The following TLK2 variants were observed in gnomAD, a reference collection of about 807,000 sequenced individuals.
TLK2 encodes tousled like kinase 2, also known as serine/threonine-protein kinase tousled-like 2.
In TLK2, 6 loss-of-function variants were observed where a neutral mutation model predicts 117.3. That is an observed-to-expected ratio of 0.05 (90% CI 0.03 to 0.10). TLK2 has a LOEUF of 0.10. TLK2 is among the 10% of genes least tolerant of loss of function. The pLI is 1.00. For missense variants in TLK2, 299 were observed against 901.2 expected (o/e 0.33, Z 8.56); for synonymous variants, 257 against 316.7 (o/e 0.81, Z 2.00).
chr17:62,483,978 ACCATGCCCAG>A (rs1158115920), intron 2 of TLK2, among the ~76,000 whole-genome samples: 1 of 151,950 alleles, frequency 6.6e-6, no homozygotes, highest in African/African-American at 2.4e-5. Flanking sequence ...GGCACCTGCT[ACCATGCCCAG>A]CTAATTTTTG....
upstream of TLK2, among the ~76,000 whole-genome samples, chr17:62,474,074 T>C (rs2070992194): frequency 6.6e-6 from 1 of 152,108 alleles, no homozygotes; most frequent in South Asian, 2.1e-4. Flanking sequence ...TTTTGTATTT[T>C]TTTTTGTTAA....
intron 7 of TLK2, among the ~76,000 whole-genome samples, chr17:62,544,073 T>C (rs540358540): frequency 6.6e-6 from 1 of 152,326 alleles, no homozygotes; most frequent in South Asian, 2.1e-4. Flanking sequence ...CCCAGCACCA[T>C]TTGTTGAAAA....
At chr17:62,602,337 G>C (rs1199418202) in intron 19 of TLK2, among the ~76,000 whole-genome samples, 157 bp downstream of exon 19, 1 of 152,192 alleles carries the variant, frequency 6.6e-6, no homozygotes, top group Admixed American at 6.5e-5. Flanking sequence ...CTTTTCAACA[G>C]TTTGACTCTT....
intron 7 of TLK2, among the ~76,000 whole-genome samples, chr17:62,543,623 T>A (rs749276653): frequency 6.6e-5 from 10 of 152,244 alleles, no homozygotes; most frequent in Admixed American, 3.9e-4. Context: ...CTAATTGGGC[T>A]TTTGTGCATC....
At chr17:62,516,482 G>A (rs2075601384) in intron 2 of TLK2, 12 of 1,604,776 alleles carry the variant, frequency 7.5e-6, no homozygotes, top group African/African-American at 1.3e-5. Context: ...GGACGGCTAC[G>A]GCGTAGGGTG....
At chr17:62,541,305 C>T (rs2077517166) in intron 7 of TLK2, among the ~76,000 whole-genome samples, 1 of 152,144 alleles carries the variant, frequency 6.6e-6, no homozygotes, top group East Asian at 1.9e-4. Context: ...AAGGACTTTG[C>T]TTTGTTCACT....
intron 11 of TLK2, among the ~76,000 whole-genome samples, chr17:62,571,598 T>A (rs2080296224): frequency 6.6e-6 from 1 of 152,230 alleles, no homozygotes; most frequent in Non-Finnish European, 1.5e-5. Context: ...TCGATTGATG[T>A]CTAATCAGTG....
At chr17:62,598,553 C>T (rs1354148444) in intron 17 of TLK2, among the ~76,000 whole-genome samples, 1 of 151,260 alleles carries the variant, frequency 6.6e-6, no homozygotes, top group African/African-American at 2.4e-5. Context: ...GAGATGGAGT[C>T]TCACTCTGTT....
intron 11 of TLK2, among the ~76,000 whole-genome samples, chr17:62,568,918 A>G (rs1180399757): frequency 6.6e-6 from 1 of 152,094 alleles, no homozygotes; most frequent in African/African-American, 2.4e-5. Flanking sequence ...CATTTTGTTG[A>G]TTTTATAAAC....
chr17:62,536,533 C>T (rs545188852), intron 7 of TLK2, among the ~76,000 whole-genome samples, 196 bp downstream of exon 7: 1 of 152,006 alleles, frequency 6.6e-6, no homozygotes, highest in East Asian at 1.9e-4. Flanking sequence ...TTCCCAGTCT[C>T]CCTTGGTTCA....
intron 2 of TLK2, among the ~76,000 whole-genome samples, chr17:62,503,728 CTTTT>C (rs34498481): frequency 9.5e-5 from 12 of 126,738 alleles, no homozygotes; most frequent in Non-Finnish European, 6.7e-5. Context: ...CTAGTTATAT[CTTTT>C]TTTTTTTTTT....
At chr17:62,486,260 G>A (rs1027811996) in intron 2 of TLK2, among the ~76,000 whole-genome samples, 2 of 151,584 alleles carry the variant, frequency 1.3e-5, no homozygotes, top group South Asian at 2.1e-4. Context: ...AGGTTCAAGC[G>A]ATTCTCTTGC....
At chr17:62,585,819 C>T (rs141779287) in intron 15 of TLK2, 80 of 198,678 alleles carry the variant, frequency 4.0e-4, no homozygotes, top group African/African-American at 1.6e-3. Flanking sequence ...CTAAGGCAGA[C>T]GGGTCCCAGA....
At chr17:62,594,646 A>T (rs1405993683) in intron 16 of TLK2, among the ~76,000 whole-genome samples, 2 of 152,242 alleles carry the variant, frequency 1.3e-5, no homozygotes, top group African/African-American at 4.8e-5. Context: ...CTTTATATAC[A>T]TTTAAGAAAG....
chr17:62,580,709 G>A (rs924883272), intron 15 of TLK2, among the ~76,000 whole-genome samples: 22 of 152,142 alleles, frequency 1.4e-4, no homozygotes, highest in Non-Finnish European at 2.5e-4. Flanking sequence ...GAGCTTCCAG[G>A]TTGATTTTTA....
chr17:62,471,888 CTTTTTTTTTTTT>C (rs869092720), intron 1 of TLK2, among the ~76,000 whole-genome samples: 14 of 37,776 alleles, frequency 3.7e-4, no homozygotes, highest in Admixed American at 1.2e-3. Flanking sequence ...GTAGTATAGT[CTTTTTTTTTTTT>C]TTTTTTTTTT....
At chr17:62,555,439 T>C (rs1263046682) in intron 9 of TLK2, among the ~76,000 whole-genome samples, 2 of 151,936 alleles carry the variant, frequency 1.3e-5, no homozygotes, top group African/African-American at 2.4e-5. Flanking sequence ...CTAAACTAAG[T>C]CTGGCCTTTA....
At chr17:62,567,391 G>C (rs1048505804) in intron 11 of TLK2, among the ~76,000 whole-genome samples, 1 of 152,216 alleles carries the variant, frequency 6.6e-6, no homozygotes, top group African/African-American at 2.4e-5. Flanking sequence ...CCAGATCAGA[G>C]GAAGTGAGAC....
chr17:62,508,954 T>TGAGAC (rs1248882545), intron 2 of TLK2, among the ~76,000 whole-genome samples: 1 of 151,644 alleles, frequency 6.6e-6, no homozygotes, highest in East Asian at 1.9e-4. Context: ...GGCAATAGAG[T>TGAGAC]GAGACTCCAT....
Sources: gnomAD v4.1 joint callset for allele counts (sites outside exome capture counted in the v4.1 genomes callset) on GRCh38, gnomAD v4.1.1 for gene constraint, MANE v1.5 for transcripts, NCBI Gene and HGNC (gene_info 2026-07-23, HGNC 2026-07-21) for gene names.